The following SP3 variants were observed in gnomAD, a reference collection of about 807,000 sequenced individuals.
The protein encoded by SP3 is Sp3 transcription factor, also known as transcription factor Sp3.
Under a neutral mutation model 70.3 loss-of-function variants are expected in SP3, and 10 were observed. That is an observed-to-expected ratio of 0.14 (90% confidence interval 0.09 to 0.24). The LOEUF (loss-of-function observed/expected upper bound fraction) is 0.24. SP3 is among the 10% of genes least tolerant of loss of function. SP3 has a pLI of 1.00. For missense variants in SP3, 825 were observed against 914.6 expected, an observed-to-expected ratio of 0.90 and a Z score of 1.26; for synonymous variants, 402 against 333.5, an observed-to-expected ratio of 1.21 and a Z score of -2.24.
At chr2:173,953,956 A>G (rs1453524844) in intron 4 of SP3, among the ~76,000 whole-genome samples, 1 of 152,182 alleles carries the variant, frequency 6.6e-6, no homozygotes, top group Non-Finnish European at 1.5e-5. Context: ...AAATTTATCA[A>G]AAGAAAAAAG....
At chr2:173,916,265 CA>C (rs1235607031) in intron 5 of SP3, 1 of 151,986 alleles carries the variant, frequency 6.6e-6, no homozygotes, top group East Asian at 1.9e-4. Context: ...TATAAATGAA[CA>C]TTTTTATAAT....
rs1476178896 is a variant in SP3, at chr2:173,908,725, C to T, written c.*1216G>A. 6.6e-6 allele frequency: 1 copy of T among 151,768 alleles called. No homozygotes were observed. Among genetic ancestry groups the T allele is most frequent in the African/African-American group, 2.4e-5 (1 of 41,220 alleles). 9.4% of individuals were successfully genotyped at this position (151,768 alleles called of 1,614,324 possible). On this transcript the variant is annotated 3_prime_UTR_variant, in exon 7 of 7. Transcript: ENST00000310015. ...AACTGTATAGCTCTTACAAGACCAG[C>T]AATGTAACTTTATTTTGTACATTTT...
intron 4 of SP3, among the ~76,000 whole-genome samples, chr2:173,922,546 A>T (rs1023477477): frequency 6.6e-6 from 1 of 151,904 alleles, no homozygotes; most frequent in Non-Finnish European, 1.5e-5. Context: ...TCTGGAATAT[A>T]ATGTAGACAG....
At chr2:173,937,847 G>A (rs914357272) in intron 4 of SP3, among the ~76,000 whole-genome samples, 16 of 151,950 alleles carry the variant, frequency 1.1e-4, no homozygotes, top group African/African-American at 2.2e-4. Flanking sequence ...AAACAAATCC[G>A]AGATATAACA....
At chr2:173,932,165 C>A (rs755692539) in intron 4 of SP3, among the ~76,000 whole-genome samples, 1 of 152,126 alleles carries the variant, frequency 6.6e-6, no homozygotes, top group Non-Finnish European at 1.5e-5. Flanking sequence ...CACTTAGAGG[C>A]TACTGTAGGG....
At chr2:173,964,241 G>A (rs1691196922) in intron 2 of SP3, 164 bp downstream of exon 2, 3 of 497,944 alleles carry the variant, frequency 6.0e-6, no homozygotes, top group South Asian at 5.3e-5. Flanking sequence ...GGGCGGGGTC[G>A]GAGCGTTGGC....
chr2:173,921,430 T>G (rs1689751025), intron 4 of SP3, among the ~76,000 whole-genome samples: 1 of 152,186 alleles, frequency 6.6e-6, no homozygotes, highest in African/African-American at 2.4e-5. Flanking sequence ...GGCTCATGCC[T>G]GTAATATCAG....
chr2:173,918,787 T>C lies in SP3; in HGVS notation c.1640-2A>G. ...GTTCTTCTTCCTTGATCCTAATATC[T>C]AAAGGGAAAAAAAAACCAAATACAG... On this transcript the variant is annotated splice_acceptor_variant, in intron 4 of 6. Transcript: ENST00000310015. LOFTEE classifies it high-confidence loss of function. The C allele has an allele frequency of 6.3e-7, 1 of 1,590,716 alleles. No homozygotes were observed. The highest frequency in any genetic ancestry group is 8.5e-7 in the Non-Finnish European group (1 of 1,170,332).
In SP3 at chr2:173,953,361, G is replaced by A. The variant is rs1426710489; in HGVS notation, c.1639+1512C>T. 3.9e-5 allele frequency among the ~76,000 whole-genome samples: 6 copies of A among 152,198 alleles called. No homozygotes were observed. The South Asian group carries it at 1.0e-3, about 26-fold the overall frequency. On this transcript the variant is annotated intron_variant, in intron 4 of 6. Transcript: ENST00000310015. ...GAGAGGGTCTCAGGGATATCCAATG[G>A]TCCACAGATCACATTTTAAGAACTA...
At chr2:173,934,088 A>G (rs1690149283) in intron 4 of SP3, among the ~76,000 whole-genome samples, 1 of 152,004 alleles carries the variant, frequency 6.6e-6, no homozygotes, top group African/African-American at 2.4e-5. Context: ...AAACATAAAA[A>G]AATTAGCAAG....
At position 173,949,784 on chromosome 2, in the gene SP3, G is replaced by C. The variant is rs537372302; in HGVS notation, c.1639+5089C>G. ...GGGAATTCTAAACATTAAGTTGTTT[G>C]CTTTTAAGAAGAAATGACTTCTATA... On this transcript the variant is annotated intron_variant, in intron 4 of 6. Coordinates refer to ENST00000310015, the MANE Select transcript of SP3 (RefSeq NM_003111.5). Among the ~76,000 whole-genome samples, 5 of 152,274 alleles carry C rather than the reference G, an allele frequency of 3.3e-5. No individual in the cohort carries two copies. The East Asian group carries it at 9.6e-4, about 29-fold the overall frequency.
At position 173,955,416 on chromosome 2, in the gene SP3, A is replaced by G; in HGVS notation, c.1096T>C (p.Ser366Pro). The change falls in exon 4 of 7, where the codon TCA becomes CCA. Residue 366 changes from serine to proline, a missense_variant. Ser to Pro is a moderately conservative substitution (Grantham distance 74). Transcript: ENST00000310015. Reference protein sequence around the residue: ...LTTSSGQVHSSDLQGNYIQSP... With the variant: ...LTTSSGQVHSPDLQGNYIQSP... ...TGGATATAATTTCCCTGAAGATCTGAAGAATGAACCTGCCCACTAGATGTA... is the reference window on the plus strand; with the variant it reads ...TGGATATAATTTCCCTGAAGATCTGGAGAATGAACCTGCCCACTAGATGTA... 6.2e-7 allele frequency: 1 copy of G among 1,614,148 alleles called. No homozygotes were observed. Among genetic ancestry groups the G allele is most frequent in the Admixed American group, 1.7e-5 (1 of 59,984 alleles).
At chr2:173,939,620 C>T (rs953381538) in intron 4 of SP3, among the ~76,000 whole-genome samples, 2 of 151,858 alleles carry the variant, frequency 1.3e-5, no homozygotes, top group Admixed American at 6.6e-5. Context: ...AAAAAATTAG[C>T]CAGGTGTGGT....
At chr2:173,941,452 T>C (rs55665568) in intron 4 of SP3, among the ~76,000 whole-genome samples, 42,801 of 151,884 alleles carry the variant, frequency 0.28, 7,006 homozygotes, top group East Asian at 0.62. Context: ...TTCTAAAAAT[T>C]ACAAAAAATT....
rs1020410682 is a variant in SP3, at chr2:173,901,394, T to C, written c.*8547A>G. On this transcript the variant is annotated 3_prime_UTR_variant, in exon 7 of 7. Transcript: ENST00000310015. ...ACTATCAGCCTATATATCTCTAAAA[T>C]ATATCTTATATATAAAATAATATGT... 6.6e-6 allele frequency among the ~76,000 whole-genome samples: 1 copy of C among 151,936 alleles called. No individual in the cohort carries two copies. The highest frequency in any genetic ancestry group is 2.4e-5 in the African/African-American group (1 of 41,356).
Position 173,925,274 on chromosome 2 carries a change from G to A in SP3, c.1640-6489C>T, listed in dbSNP as rs556440005. On this transcript the variant is annotated intron_variant, in intron 4 of 6. Transcript: ENST00000310015. The stretch of plus-strand genomic sequence containing the variant: ...TGTAGCATGTGAAATCCTGTCACAC[G>A]CTACAACACGGATGAACCTCAAGGA... Among the ~76,000 whole-genome samples, 124 of 152,268 alleles carry A rather than the reference G, an allele frequency of 8.1e-4. 1 individual carries two copies. The highest frequency in any genetic ancestry group is 6.8e-3 in the Middle Eastern group (2 of 294).
Position 173,965,232 on chromosome 2 carries a change from GGCGGCGGCGGCGGGAGAGGATGCGGGAA to G in SP3, c.-89_-62del, listed in dbSNP as rs1691256882. The G allele has an allele frequency of 1.9e-5, 28 of 1,497,714 alleles. No individual in the cohort carries two copies. The highest frequency in any genetic ancestry group is 2.5e-5 in the South Asian group (2 of 80,880). 92.8% of individuals were successfully genotyped at this position (1,497,714 alleles called of 1,614,324 possible). A position where few individuals can be genotyped will look rare whatever the true frequency, so the allele number is the denominator to read the frequency against. Reference sequence around the variant, plus strand: ...CGCCTTACACATGGTGAGGAGCGAAGGCGGCGGCGGCGGGAGAGGATGCGGGAAGCGGCGGCGGACACGGCCGGAGCGG... The same window carrying G: ...CGCCTTACACATGGTGAGGAGCGAAGGCGGCGGCGGACACGGCCGGAGCGG... On this transcript the variant is annotated 5_prime_UTR_variant, in exon 1 of 7. Coordinates refer to ENST00000310015, the MANE Select transcript of SP3 (RefSeq NM_003111.5).
intron 3 of SP3, among the ~76,000 whole-genome samples, chr2:173,960,345 T>C (rs568389464): frequency 7.3e-4 from 111 of 152,320 alleles, no homozygotes; most frequent in Middle Eastern, 3.4e-3. Flanking sequence ...TTCCCACGAA[T>C]GCCTTTACGA....
chr2:173,932,713 TC>T (rs1403370063), intron 4 of SP3, among the ~76,000 whole-genome samples: 1 of 151,212 alleles, frequency 6.6e-6, no homozygotes, highest in Non-Finnish European at 1.5e-5. Context: ...ATAATGAAGG[TC>T]GGGCGCAGTG....
Sources: gnomAD v4.1 joint callset for allele counts (sites outside exome capture counted in the v4.1 genomes callset) on GRCh38, gnomAD v4.1.1 for gene constraint, MANE v1.5 for transcripts, NCBI Gene and HGNC (gene_info 2026-07-23, HGNC 2026-07-21) for gene names.